AHCYL2: variants seen among roughly 807,000 people sequenced by gnomAD.
AHCYL2 encodes the protein adenosylhomocysteinase like 2.
Under a neutral mutation model 81.4 loss-of-function variants are expected in AHCYL2, and 28 were observed. That is an observed-to-expected ratio of 0.34 (90% confidence interval 0.25 to 0.47). The LOEUF (loss-of-function observed/expected upper bound fraction) is 0.47. Ranked by LOEUF, AHCYL2 falls within the 20% of genes least tolerant of loss-of-function variation. AHCYL2 has a pLI of 1.00. For synonymous variants in AHCYL2, 272 were observed against 290.2 expected, an observed-to-expected ratio of 0.94 and a Z score of 0.64; for missense variants, 551 against 785.1, an observed-to-expected ratio of 0.70 and a Z score of 3.56.
rs7790641 is a variant in AHCYL2, at chr7:129,232,039, T to A, written c.363+6600T>A. Among the ~76,000 whole-genome samples, 661 of 152,290 alleles carry A rather than the reference T, an allele frequency of 4.3e-3. 4 individuals are homozygous for A. The highest frequency in any genetic ancestry group is 0.015 in the African/African-American group (614 of 41,558). On this transcript the variant is annotated intron_variant, in intron 1 of 16. Transcript: ENST00000325006. ...AAGGAAGGGTATTTGAACTGCTGATTGAGTTTCTCTGAGTATAGGACTTTA... is the reference window on the plus strand; with the variant it reads ...AAGGAAGGGTATTTGAACTGCTGATAGAGTTTCTCTGAGTATAGGACTTTA...
intron 1 of AHCYL2, among the ~76,000 whole-genome samples, chr7:129,333,513 A>G (rs1159594289): frequency 6.6e-6 from 1 of 152,134 alleles, no homozygotes; most frequent in African/African-American, 2.4e-5. Flanking sequence ...TGAAAAGACA[A>G]TGAGGTGTTT....
At chr7:129,411,298 TCA>T (rs1796562137) in intron 11 of AHCYL2, among the ~76,000 whole-genome samples, 1 of 152,136 alleles carries the variant, frequency 6.6e-6, no homozygotes, top group East Asian at 1.9e-4. Context: ...CGAATTTTTA[TCA>T]CCCCAAAAAG....
chr7:129,245,186 A>G (rs1795006602), intron 1 of AHCYL2, among the ~76,000 whole-genome samples: 3 of 151,874 alleles, frequency 2.0e-5, no homozygotes, highest in African/African-American at 4.8e-5. Context: ...CACCATGCCT[A>G]GCTAATTTTT....
intron 1 of AHCYL2, among the ~76,000 whole-genome samples, chr7:129,370,495 A>G (rs113940647): frequency 0.52 from 78,232 of 151,814 alleles, 20,513 homozygotes; most frequent in East Asian, 0.8. Context: ...TCAGGAGATC[A>G]AGATCATCCT....
intron 3 of AHCYL2, among the ~76,000 whole-genome samples, 185 bp from the exon 4 acceptor site, chr7:129,389,449 G>A (rs1023320468): frequency 2.6e-5 from 4 of 151,158 alleles, no homozygotes; most frequent in African/African-American, 9.7e-5. Context: ...TCAGAACCCT[G>A]GAGCATTTGC....
intron 1 of AHCYL2, among the ~76,000 whole-genome samples, chr7:129,353,534 T>C (rs1342823972): frequency 6.6e-6 from 1 of 151,786 alleles, no homozygotes; most frequent in African/African-American, 2.4e-5. Flanking sequence ...TATAACAGCA[T>C]AAATTTAATT....
At chr7:129,302,087 A>G (rs953727218) in intron 1 of AHCYL2, among the ~76,000 whole-genome samples, 4 of 151,962 alleles carry the variant, frequency 2.6e-5, no homozygotes, top group Non-Finnish European at 5.9e-5. Context: ...TTCATTGTAG[A>G]TATATTTCAC....
chr7:129,358,255 G>A (rs1584820262), intron 1 of AHCYL2, among the ~76,000 whole-genome samples: 1 of 152,018 alleles, frequency 6.6e-6, no homozygotes, highest in South Asian at 2.1e-4. Context: ...AGCCGGGCGT[G>A]GTGGCGGGCG....
At chr7:129,247,385 C>T (rs1265582025) in intron 1 of AHCYL2, among the ~76,000 whole-genome samples, 1 of 152,112 alleles carries the variant, frequency 6.6e-6, no homozygotes, top group Non-Finnish European at 1.5e-5. Context: ...TGACTGTTTA[C>T]ATCATTTTCC....
intron 1 of AHCYL2, among the ~76,000 whole-genome samples, chr7:129,247,574 C>G (rs1350896207): frequency 2.0e-5 from 3 of 150,008 alleles, no homozygotes; most frequent in Non-Finnish European, 4.4e-5. Context: ...TTGAAAAAGT[C>G]CAATTTACTA....
chr7:129,279,950 GT>G (rs1298874635), intron 1 of AHCYL2, among the ~76,000 whole-genome samples: 1 of 152,104 alleles, frequency 6.6e-6, no homozygotes, highest in Non-Finnish European at 1.5e-5. Flanking sequence ...TTTATCAGTG[GT>G]GTCTTAGTTA....
intron 1 of AHCYL2, among the ~76,000 whole-genome samples, chr7:129,326,700 T>C (rs760730010): frequency 6.6e-6 from 1 of 151,764 alleles, no homozygotes; most frequent in Non-Finnish European, 1.5e-5. Context: ...ACTCACCATA[T>C]GAAGAATAGG....
chr7:129,363,713 C>T (rs1281322517), intron 1 of AHCYL2, among the ~76,000 whole-genome samples: 1 of 151,872 alleles, frequency 6.6e-6, no homozygotes, highest in African/African-American at 2.4e-5. Flanking sequence ...AATTTTTGTA[C>T]TTTTAGTAGA....
chr7:129,336,123 C>T (rs1367214290), intron 1 of AHCYL2, among the ~76,000 whole-genome samples: 4 of 131,492 alleles, frequency 3.0e-5, no homozygotes, highest in Non-Finnish European at 6.1e-5. Flanking sequence ...GGCTGGAGTG[C>T]AGTGGCATGA....
intron 1 of AHCYL2, among the ~76,000 whole-genome samples, chr7:129,299,497 C>G (rs1455397816): frequency 2.0e-5 from 3 of 147,718 alleles, no homozygotes; most frequent in African/African-American, 7.4e-5. Context: ...GGGTTCACGC[C>G]ATTCTCCTGC....
At chr7:129,240,648 T>C (rs17348939) in intron 1 of AHCYL2, among the ~76,000 whole-genome samples, 265 of 151,644 alleles carry the variant, frequency 1.7e-3, no homozygotes, top group African/African-American at 6.1e-3. Context: ...CATTCTCTTA[T>C]TTTCTCTCAG....
intron 1 of AHCYL2, among the ~76,000 whole-genome samples, chr7:129,299,889 T>G (rs904179072): frequency 6.6e-6 from 1 of 152,220 alleles, no homozygotes; most frequent in African/African-American, 2.4e-5. Flanking sequence ...ATAATTTAAG[T>G]TCAAAACACT....
intron 2 of AHCYL2, chr7:129,388,295 T>C (rs1795293481): frequency 6.6e-6 from 1 of 152,178 alleles, no homozygotes; most frequent in South Asian, 2.1e-4. Context: ...CAGCTAAGCA[T>C]GTGAATAGTA....
At chr7:129,251,472 T>TA (rs1176147441) in intron 1 of AHCYL2, among the ~76,000 whole-genome samples, 1 of 152,200 alleles carries the variant, frequency 6.6e-6, no homozygotes, top group Non-Finnish European at 1.5e-5. Context: ...AATTGTTGTC[T>TA]ATTTAGTTTA....
Sources: gnomAD v4.1 joint callset for allele counts (sites outside exome capture counted in the v4.1 genomes callset) on GRCh38, gnomAD v4.1.1 for gene constraint, MANE v1.5 for transcripts, NCBI Gene and HGNC (gene_info 2026-07-23, HGNC 2026-07-21) for gene names.